TRIM55: variants seen among roughly 807,000 people sequenced by gnomAD.
TRIM55 encodes tripartite motif-containing protein 55.
In TRIM55, 50 loss-of-function variants were observed where a neutral mutation model predicts 60.9. The ratio of observed to expected loss-of-function variants is 0.82; its 90% confidence interval spans 0.65 to 1.04. The LOEUF is 1.04. Ranked by LOEUF, TRIM55 falls within the 50% of genes least tolerant of loss-of-function variation. The probability of loss-of-function intolerance (pLI) is 0.00; values close to 1 mark genes in which losing one functional copy is unlikely to be tolerated. For missense variants in TRIM55, 681 were observed against 666.9 expected, an observed-to-expected ratio of 1.02 and a Z score of -0.23; for synonymous variants, 237 against 238.1, an observed-to-expected ratio of 1.00 and a Z score of 0.04.
intron 9 of TRIM55, among the ~76,000 whole-genome samples, chr8:66,158,606 C>T (rs995469458): frequency 1.3e-5 from 2 of 152,138 alleles, no homozygotes; most frequent in Non-Finnish European, 2.9e-5. Context: ...TCACACTGGG[C>T]TGTGAAAAAT....
chr8:66,152,334 C>T, intron 7 of TRIM55, 43 bp from the exon 8 acceptor site: 2 of 1,536,288 alleles, frequency 1.3e-6, no homozygotes, highest in South Asian at 1.2e-5. Context: ...TCCATGGCTG[C>T]AGAGATAGTT....
rs548305661 is a variant in TRIM55, at chr8:66,135,020, C to T, written c.372C>T (p.Cys124=). The T allele has an allele frequency of 1.5e-5, 25 of 1,614,050 alleles. No individual in the cohort carries two copies. Among genetic ancestry groups the T allele is most frequent in the Middle Eastern group, 1.6e-4 (1 of 6,082 alleles). ...RPEKKSDQPM[C]EEHEEERINI... Reference sequence around the variant, plus strand: ...AAAAGAAATCCGACCAGCCCATGTGCGAGGAACATGAAGAGGAGCGCATCA... The same window carrying T: ...AAAAGAAATCCGACCAGCCCATGTGTGAGGAACATGAAGAGGAGCGCATCA... Residue 124 remains cysteine, a synonymous_variant, in exon 3 of 10, where the codon TGC becomes TGT. Transcript: ENST00000315962.
intron 9 of TRIM55, among the ~76,000 whole-genome samples, chr8:66,168,990 G>A (rs772406707): frequency 2.6e-5 from 4 of 152,172 alleles, no homozygotes; most frequent in Non-Finnish European, 5.9e-5. Flanking sequence ...AAGCGTTAGT[G>A]GATCAGAGTC....
At chr8:66,164,391 TTAGAAGCTAA>T (rs1811209262) in intron 9 of TRIM55, among the ~76,000 whole-genome samples, 1 of 152,210 alleles carries the variant, frequency 6.6e-6, no homozygotes, top group Non-Finnish European at 1.5e-5. Context: ...ATCACTTGCT[TTAGAAGCTAA>T]TATCTCTTGT....
At chr8:66,139,031 C>G (rs1181926331) in intron 4 of TRIM55, among the ~76,000 whole-genome samples, 1 of 152,122 alleles carries the variant, frequency 6.6e-6, no homozygotes, top group Non-Finnish European at 1.5e-5. Context: ...CTGAAAAGAT[C>G]CATGATCAGT....
At chr8:66,173,474 A>G (rs989545578) in intron 9 of TRIM55, among the ~76,000 whole-genome samples, 4 of 152,222 alleles carry the variant, frequency 2.6e-5, no homozygotes, top group Non-Finnish European at 2.9e-5. Context: ...ATCCATTCAT[A>G]TCGCAGCTTC....
chr8:66,163,968 G>A (rs1811182487), intron 9 of TRIM55, among the ~76,000 whole-genome samples: 1 of 151,488 alleles, frequency 6.6e-6, no homozygotes, highest in African/African-American at 2.4e-5. Flanking sequence ...TTCATATTTA[G>A]CATTGTTTAT....
intron 1 of TRIM55, among the ~76,000 whole-genome samples, chr8:66,127,982 G>T (rs918475752): frequency 6.6e-6 from 1 of 151,676 alleles, no homozygotes; most frequent in African/African-American, 2.4e-5. Flanking sequence ...TTTTTTTTAA[G>T]TCAAACCATT....
rs765043712 is a variant in TRIM55 at position 66,150,253 on chromosome 8, A to G, written c.860+14A>G. 4 of 1,612,940 alleles carry G rather than the reference A, an allele frequency of 2.5e-6. No homozygotes were observed. The highest frequency in any genetic ancestry group is 3.3e-4 in the Middle Eastern group (2 of 6,062). On this transcript the variant is annotated intron_variant, in intron 6 of 9. Transcript: ENST00000315962. ...CCTGCTAAAAAAGTAAGAACTTTTTATTTTATGTAAAAATGCATATTTTCA... is the reference window on the plus strand; with the variant it reads ...CCTGCTAAAAAAGTAAGAACTTTTTGTTTTATGTAAAAATGCATATTTTCA...
Position 66,154,187 on chromosome 8 carries a change from CA to C in TRIM55, c.1378del (p.Thr460ProfsTer10). 6.2e-7 allele frequency: 1 copy of C among 1,614,134 alleles called. No homozygotes were observed. The highest frequency in any genetic ancestry group is 8.5e-7 in the Non-Finnish European group (1 of 1,180,024). ...TRKATTNPPCTPGSEGLGQIG... is the reference protein window; with the variant it reads ...TRKATTNPPCXPGSEGLGQIG... Reference sequence around the variant, plus strand: ...GGAAAGCCACCACCAACCCACCTTGCACCCCAGGGAGCGAAGGTCTGGGGCA... The same window carrying C: ...GGAAAGCCACCACCAACCCACCTTGCCCCCAGGGAGCGAAGGTCTGGGGCA... On this transcript the variant is annotated frameshift_variant, in exon 9 of 10. Coordinates refer to ENST00000315962, the MANE Select transcript of TRIM55 (RefSeq NM_184085.2). LOFTEE classifies it high-confidence loss of function.
chr8:66,174,792 G>A lies in TRIM55; in HGVS notation c.*199G>A. 8 of 392,592 alleles carry A rather than the reference G, an allele frequency of 2.0e-5. No homozygotes were observed. The South Asian group carries it at 2.8e-4, about 14-fold the overall frequency. 24.3% of individuals were successfully genotyped at this position (392,592 alleles called of 1,614,324 possible). A position where few individuals can be genotyped will look rare whatever the true frequency, so the allele number is the denominator to read the frequency against. On this transcript the variant is annotated 3_prime_UTR_variant, in exon 10 of 10. Coordinates refer to ENST00000315962, the MANE Select transcript of TRIM55 (RefSeq NM_184085.2). The stretch of plus-strand genomic sequence containing the variant: ...AGAATATTTTGAGAAAATAGTTGCA[G>A]AAAGCACTGGAAATAATAAACTTGA...
At chr8:66,166,100 G>C (rs184999559) in intron 9 of TRIM55, among the ~76,000 whole-genome samples, 37 of 152,104 alleles carry the variant, frequency 2.4e-4, no homozygotes, top group African/African-American at 8.9e-4. Flanking sequence ...GTCAATTTGG[G>C]GGTTTTACCA....
chr8:66,137,015 A>C, intron 3 of TRIM55, 80 bp from the exon 4 acceptor site: 2 of 1,210,606 alleles, frequency 1.7e-6, no homozygotes, highest in South Asian at 1.4e-5. Context: ...AGAACCTGTA[A>C]AGACAATATT....
intron 9 of TRIM55, among the ~76,000 whole-genome samples, chr8:66,167,782 G>A (rs548249675): frequency 3.3e-5 from 5 of 152,040 alleles, no homozygotes; most frequent in Admixed American, 6.6e-5. Context: ...AAAGGATCTC[G>A]CTGACATCCA....
At chr8:66,130,269 A>T (rs1809059913) in intron 2 of TRIM55, among the ~76,000 whole-genome samples, 1 of 152,248 alleles carries the variant, frequency 6.6e-6, no homozygotes, top group African/African-American at 2.4e-5. Context: ...CAAATTTCCA[A>T]CAATAAAGCT....
chr8:66,138,955 T>C (rs896259093), intron 4 of TRIM55, among the ~76,000 whole-genome samples: 1 of 152,206 alleles, frequency 6.6e-6, no homozygotes, highest in Non-Finnish European at 1.5e-5. Flanking sequence ...ACATTAGCTA[T>C]ACTTATCTCA....
At chr8:66,165,151 A>G (rs1811258184) in intron 9 of TRIM55, among the ~76,000 whole-genome samples, 1 of 152,140 alleles carries the variant, frequency 6.6e-6, no homozygotes, top group Non-Finnish European at 1.5e-5. Context: ...GCCCTTGAAA[A>G]TATTCATATT....
intron 9 of TRIM55, among the ~76,000 whole-genome samples, chr8:66,172,675 G>C (rs1023182584): frequency 6.6e-6 from 1 of 152,182 alleles, no homozygotes; most frequent in African/African-American, 2.4e-5. Context: ...TTCGCTACCA[G>C]CAGTTTCCCA....
chr8:66,146,128 A>G (rs1810082453), intron 4 of TRIM55, among the ~76,000 whole-genome samples: 1 of 152,226 alleles, frequency 6.6e-6, no homozygotes, highest in Non-Finnish European at 1.5e-5. Context: ...ACACTGATCC[A>G]GTACCAATAT....
Sources: gnomAD v4.1 joint callset for allele counts (sites outside exome capture counted in the v4.1 genomes callset) on GRCh38, gnomAD v4.1.1 for gene constraint, MANE v1.5 for transcripts, NCBI Gene and HGNC (gene_info 2026-07-23, HGNC 2026-07-21) for gene names.